CDH13: variants seen among roughly 807,000 people sequenced by gnomAD.
CDH13 encodes cadherin-13.
Under a neutral mutation model 63.8 loss-of-function variants are expected in CDH13, and 24 were observed. The observed-to-expected ratio is 0.38, with a 90% CI of 0.27 to 0.53. CDH13 has a LOEUF of 0.53. Ranked by LOEUF, CDH13 falls within the 20% of genes least tolerant of loss-of-function variation. The pLI is 0.85. For synonymous variants in CDH13, 503 were observed against 355.3 expected (o/e 1.42, Z -4.67); for missense variants, 1,049 against 903.1 (o/e 1.16, Z -2.07).
chr16:83,626,209 C>A (rs79335645), intron 8 of CDH13, among the ~76,000 whole-genome samples: 2 of 151,942 alleles, frequency 1.3e-5, no homozygotes, highest in Non-Finnish European at 2.9e-5. Flanking sequence ...TTTGCCGTAC[C>A]GCGTGTGCCG....
chr16:83,331,589 T>C (rs1366997824), intron 5 of CDH13, among the ~76,000 whole-genome samples: 1 of 152,150 alleles, frequency 6.6e-6, no homozygotes, highest in Admixed American at 6.5e-5. Flanking sequence ...AACTTTGAAA[T>C]TAACACATGC....
chr16:82,837,199 T>G (rs2151124617), intron 1 of CDH13, among the ~76,000 whole-genome samples: 1 of 152,306 alleles, frequency 6.6e-6, no homozygotes. Flanking sequence ...TCCCTCAGGC[T>G]CAGCGGGGTG....
intron 7 of CDH13, among the ~76,000 whole-genome samples, chr16:83,505,707 C>G (rs1234419104): frequency 6.6e-6 from 1 of 151,902 alleles, no homozygotes; most frequent in Admixed American, 6.6e-5. Flanking sequence ...CCACGCCCGG[C>G]TAATTTTTTA....
chr16:82,893,679 G>A (rs1273949259), intron 2 of CDH13, among the ~76,000 whole-genome samples: 1 of 152,172 alleles, frequency 6.6e-6, no homozygotes, highest in African/African-American at 2.4e-5. Flanking sequence ...GCCAGAACCT[G>A]AATCTCTTCG....
intron 2 of CDH13, among the ~76,000 whole-genome samples, chr16:82,880,331 CTG>C (rs1459718020): frequency 1.8e-4 from 28 of 152,112 alleles, no homozygotes; most frequent in African/African-American, 6.8e-4. Flanking sequence ...TCTTATTAGA[CTG>C]TCTCTCGTTT....
Position 83,464,085 on chromosome 16 carries a change from T to C in CDH13, c.782-22392T>C, listed in dbSNP as rs1479774084. 2.0e-5 allele frequency among the ~76,000 whole-genome samples: 3 copies of C among 152,146 alleles called. No homozygotes were observed. In the East Asian group the frequency reaches 5.8e-4, roughly 29 times the overall value. On this transcript the variant is annotated intron_variant, in intron 6 of 13. Coordinates refer to ENST00000567109, the MANE Select transcript of CDH13 (RefSeq NM_001257.5). Reference sequence around the variant, plus strand: ...GGGGATTTTATTGTTTTGTTTTGTTTTGTTTTGAGACAGAGTCTTGCCTTG... The same window carrying C: ...GGGGATTTTATTGTTTTGTTTTGTTCTGTTTTGAGACAGAGTCTTGCCTTG...
At chr16:83,210,543 G>A (rs892177314) in intron 4 of CDH13, among the ~76,000 whole-genome samples, 5 of 151,994 alleles carry the variant, frequency 3.3e-5, no homozygotes, top group East Asian at 3.9e-4. Context: ...TTATTTAAAA[G>A]CCCACCACGT....
At chr16:82,910,061 T>C (rs1421870982) in intron 2 of CDH13, among the ~76,000 whole-genome samples, 3 of 152,194 alleles carry the variant, frequency 2.0e-5, no homozygotes, top group Non-Finnish European at 2.9e-5. Flanking sequence ...TCAGCCAAAG[T>C]ATACAATTGC....
chr16:83,534,397 T>C (rs1312637722), intron 7 of CDH13, among the ~76,000 whole-genome samples: 1 of 152,192 alleles, frequency 6.6e-6, no homozygotes, highest in Non-Finnish European at 1.5e-5. Context: ...GGCAGTGCAT[T>C]TTCATGGGGC....
At chr16:82,912,947 A>G (rs895140639) in intron 2 of CDH13, among the ~76,000 whole-genome samples, 2 of 152,038 alleles carry the variant, frequency 1.3e-5, no homozygotes, top group Non-Finnish European at 2.9e-5. Context: ...TGACTAAAAA[A>G]AAAAAAAAAA....
chr16:83,517,040 C>T (rs927262588), intron 7 of CDH13, among the ~76,000 whole-genome samples: 1 of 152,132 alleles, frequency 6.6e-6, no homozygotes, highest in Non-Finnish European at 1.5e-5. Context: ...CATTGACTGT[C>T]GTGTTTTCCC....
intron 2 of CDH13, chr16:82,990,357 G>A (rs1337360259): frequency 1.3e-5 from 2 of 152,160 alleles, no homozygotes; most frequent in African/African-American, 4.8e-5. Flanking sequence ...ATACATTACT[G>A]TGGTTCCCAC....
rs757988792 is a variant in CDH13 at position 83,795,048 on chromosome 16, A to G, written c.*18A>G. ...GTCTGTGAGAACTCCTGACGTCTGA[A>G]GCTTGACTCCCAAGTTTCCATAGCA... On this transcript the variant is annotated 3_prime_UTR_variant, in exon 14 of 14. Transcript: ENST00000567109. The G allele has an allele frequency of 1.0e-5, 16 of 1,584,544 alleles. No individual in the cohort carries two copies. Among genetic ancestry groups the G allele is most frequent in the Non-Finnish European group, 1.4e-5 (16 of 1,165,292 alleles).
chr16:83,509,978 G>C (rs113444660), intron 7 of CDH13, among the ~76,000 whole-genome samples: 2,146 of 152,196 alleles, frequency 0.014, 50 homozygotes, highest in African/African-American at 0.047. Context: ...TGTAGCCAGC[G>C]TACCTCCTTG....
At chr16:83,671,774 C>T (rs1379926589) in intron 9 of CDH13, among the ~76,000 whole-genome samples, 9 of 152,136 alleles carry the variant, frequency 5.9e-5, no homozygotes, top group Non-Finnish European at 1.2e-4. Flanking sequence ...ACACACTGAC[C>T]CTCTCTATGG....
chr16:83,534,115 A>G (rs555214701), intron 7 of CDH13, among the ~76,000 whole-genome samples: 1 of 152,162 alleles, frequency 6.6e-6, no homozygotes, highest in Non-Finnish European at 1.5e-5. Flanking sequence ...CCTGTTAAGT[A>G]GTTGCTCCCC....
At chr16:83,610,187 A>C (rs961884315) in intron 8 of CDH13, among the ~76,000 whole-genome samples, 1 of 152,178 alleles carries the variant, frequency 6.6e-6, no homozygotes. Flanking sequence ...TTCATGTAAA[A>C]GTCATTAAGT....
chr16:83,566,841 C>G (rs1458358738), intron 7 of CDH13, among the ~76,000 whole-genome samples: 1 of 152,124 alleles, frequency 6.6e-6, no homozygotes, highest in Non-Finnish European at 1.5e-5. Context: ...ACTGTCAGCT[C>G]CTAAGAATCA....
Position 83,203,661 on chromosome 16 carries a change from CA to C in CDH13, c.484-13664del, listed in dbSNP as rs61444893. On this transcript the variant is annotated intron_variant, in intron 4 of 13. Coordinates refer to ENST00000567109, the MANE Select transcript of CDH13 (RefSeq NM_001257.5). ...TGGGTGACAGAGTGAGACTCCATCT[CA>C]AAAAAAAAAAAAAAAAAAAGATTTA... 4.5e-3 allele frequency among the ~76,000 whole-genome samples: 375 copies of C among 84,110 alleles called. 2 individuals carry two copies. The highest frequency in any genetic ancestry group is 0.017 in the African/African-American group (353 of 20,464). 55.2% of individuals were successfully genotyped at this position (84,110 alleles called of 152,430 possible). A position where few individuals can be genotyped will look rare whatever the true frequency, so the allele number is the denominator to read the frequency against.
Sources: allele counts gnomAD v4.1 joint callset (sites outside exome capture counted in the v4.1 genomes callset), GRCh38; gene constraint gnomAD v4.1.1; transcripts MANE v1.5; gene names NCBI Gene and HGNC (gene_info 2026-07-23, HGNC 2026-07-21).